Variants in LZTS1 observed in about 807,000 individuals in gnomAD.
LZTS1 encodes the protein leucine zipper tumor suppressor 1.
A neutral mutation model predicts 45.8 loss-of-function variants in LZTS1; 31 were observed. That is an observed-to-expected ratio of 0.68 (90% CI 0.51 to 0.91). The LOEUF (loss-of-function observed/expected upper bound fraction) is 0.91, where lower values mean the gene tolerates loss of function less well. Ranked by LOEUF, LZTS1 falls within the 40% of genes least tolerant of loss-of-function variation. LZTS1 has a pLI of 0.00. For synonymous variants in LZTS1, 359 were observed against 357.3 expected (o/e 1.00, Z -0.05); for missense variants, 821 against 788.9 (o/e 1.04, Z -0.49).
chr8:20,297,538 C>T (rs1800996975), intron 1 of LZTS1, among the ~76,000 whole-genome samples: 1 of 152,148 alleles, frequency 6.6e-6, no homozygotes, highest in Non-Finnish European at 1.5e-5. Flanking sequence ...CCTCAGCCTC[C>T]TGAGTAGCTG....
intron 1 of LZTS1, among the ~76,000 whole-genome samples, chr8:20,257,301 A>G (rs907827848): frequency 6.6e-6 from 1 of 152,164 alleles, no homozygotes; most frequent in African/African-American, 2.4e-5. Flanking sequence ...CGGAGGTTGC[A>G]GTGAGCTGAG....
rs574968185 is a variant in LZTS1, at chr8:20,248,795, C to A, written c.*927G>T. The A allele has an allele frequency of 1.3e-5, 2 of 152,346 alleles. No individual in the cohort carries two copies. Among genetic ancestry groups the A allele is most frequent in the African/African-American group, 4.8e-5 (2 of 41,384 alleles). 9.4% of individuals were successfully genotyped at this position (152,346 alleles called of 1,614,324 possible). A position where few individuals can be genotyped will look rare whatever the true frequency, so the allele number is the denominator to read the frequency against. The stretch of plus-strand genomic sequence containing the variant: ...GGGAAAAACATTCCAGAGTAGCCGC[C>A]GGCCAACGTGAAGCAGGTAGGGACT... On this transcript the variant is annotated 3_prime_UTR_variant, in exon 4 of 4. Transcript: ENST00000381569.
intron 1 of LZTS1, among the ~76,000 whole-genome samples, chr8:20,293,544 G>A (rs1465427621): frequency 1.3e-5 from 2 of 152,194 alleles, no homozygotes; most frequent in South Asian, 2.1e-4. Flanking sequence ...CAAGTGACTC[G>A]TTGTGGCAGG....
chr8:20,303,934 C>G lies in LZTS1; in HGVS notation c.-329G>C, dbSNP rs1801129066. On this transcript the variant is annotated 5_prime_UTR_variant, in exon 1 of 4. Transcript: ENST00000381569. Reference sequence around the variant, plus strand: ...GGCCTCCCCGCCCGGCCGCTGCCAACCCGCCAGCTCCAGGCGCGCCGGCCT... The same window carrying G: ...GGCCTCCCCGCCCGGCCGCTGCCAAGCCGCCAGCTCCAGGCGCGCCGGCCT... 5.1e-6 allele frequency: 5 copies of G among 981,894 alleles called. No individual in the cohort carries two copies. The South Asian group carries it at 1.4e-4, about 28-fold the overall frequency. The allele number at this position is 981,894 out of a possible 1,614,324, so 60.8% of individuals were successfully genotyped here.
At chr8:20,273,537 G>C (rs933152519) in intron 1 of LZTS1, among the ~76,000 whole-genome samples, 5 of 152,008 alleles carry the variant, frequency 3.3e-5, no homozygotes, top group African/African-American at 1.2e-4. Flanking sequence ...CCTCCTTCTG[G>C]AATCCCGGTG....
chr8:20,256,567 T>G (rs956093371), intron 1 of LZTS1, among the ~76,000 whole-genome samples: 1 of 152,054 alleles, frequency 6.6e-6, no homozygotes, highest in African/African-American at 2.4e-5. Flanking sequence ...GGAGGATCAC[T>G]TGAGGCCAGG....
rs199706626 is a variant in LZTS1 at position 20,252,804 on chromosome 8, G to A, written c.1127C>T (p.Ala376Val). 2.7e-5 allele frequency: 42 copies of A among 1,528,498 alleles called. 1 individual carries two copies. The highest frequency in any genetic ancestry group is 2.0e-4 in the Middle Eastern group (1 of 4,958). The allele number at this position is 1,528,498 out of a possible 1,614,324, so 94.7% of individuals were successfully genotyped here. The part of the protein sequence containing the change: ...YEREKTSFGP[A>V]LEETQWEVCQ... ...CACCTCCCACTGGGTCTCCTCCAGC[G>A]CGGGGCCGAAGCTGGTCTTCTCCCT... is the stretch of plus-strand genomic sequence containing the variant. Residue 376 changes from alanine to valine, a missense_variant, in exon 3 of 4, where the codon GCG (alanine) becomes GTG (valine). By Grantham distance (64) the Ala-to-Val change is moderately conservative. Transcript: ENST00000381569.
chr8:20,262,471 T>C (rs1317279004), intron 1 of LZTS1, among the ~76,000 whole-genome samples: 1 of 152,122 alleles, frequency 6.6e-6, no homozygotes, highest in Non-Finnish European at 1.5e-5. Context: ...TGAACGTGTG[T>C]GTGTATACGT....
chr8:20,274,969 G>GTGTA (rs1554553685), intron 1 of LZTS1, among the ~76,000 whole-genome samples: 4 of 151,332 alleles, frequency 2.6e-5, no homozygotes, highest in Non-Finnish European at 4.4e-5. Flanking sequence ...TACTGTGTGT[G>GTGTA]TGTGTGTGTG....
At chr8:20,250,396 G>C in intron 3 of LZTS1, 33 bp from the exon 4 acceptor site, 3 of 1,549,018 alleles carry the variant, frequency 1.9e-6, no homozygotes, top group Non-Finnish European at 2.6e-6. Context: ...AGAGTGCCAA[G>C]AGGTGAGTGT....
At position 20,272,731 on chromosome 8, in the gene LZTS1, A is replaced by G. The variant is rs188320609; in HGVS notation, c.-134-17416T>C. ...CCCTGAACTCATAAACCTGCAATTGACATGACTGCTGCCTCCTCTGTGCCT... is the reference window on the plus strand; with the variant it reads ...CCCTGAACTCATAAACCTGCAATTGGCATGACTGCTGCCTCCTCTGTGCCT... On this transcript the variant is annotated intron_variant, in intron 1 of 3. Coordinates refer to ENST00000381569, the MANE Select transcript of LZTS1 (RefSeq NM_021020.5). Among the ~76,000 whole-genome samples, 62 of 152,316 alleles carry G rather than the reference A, an allele frequency of 4.1e-4. 1 individual carries two copies. The South Asian group carries it at 6.6e-3, about 16-fold the overall frequency.
chr8:20,275,349 CCG>C (rs1166021904), intron 1 of LZTS1, among the ~76,000 whole-genome samples: 1 of 89,414 alleles, frequency 1.1e-5, no homozygotes, highest in Non-Finnish European at 2.6e-5. Flanking sequence ...TTGCAGTAAG[CCG>C]AGATGATCGC....
chr8:20,266,013 G>A (rs187815258), intron 1 of LZTS1, among the ~76,000 whole-genome samples: 353 of 151,950 alleles, frequency 2.3e-3, no homozygotes, highest in African/African-American at 7.9e-3. Context: ...GAACATAATA[G>A]ATGCTCAACA....
At chr8:20,300,086 C>T (rs1011261830) in intron 1 of LZTS1, among the ~76,000 whole-genome samples, 6 of 152,090 alleles carry the variant, frequency 3.9e-5, no homozygotes, top group Admixed American at 3.3e-4. Flanking sequence ...AGTGTTCCCT[C>T]GGACTCCCGA....
In LZTS1 at chr8:20,253,171, A is replaced by G. The variant is rs1479636493; in HGVS notation, c.760T>C (p.Ser254Pro). ...KADKGPSCVR[S>P]PISTDECSIQ... ...CTGCACTCGTCCGTGGAGATGGGGG[A>G]GCGGACACACGAGGGGCCCTTGTCT... Residue 254 changes from serine (S) to proline (P), a missense_variant, in exon 3 of 4, where the codon TCC becomes CCC. Coordinates refer to ENST00000381569, the MANE Select transcript of LZTS1 (RefSeq NM_021020.5). 1 of 1,613,236 alleles carries G rather than the reference A, an allele frequency of 6.2e-7. No homozygotes were observed. Among genetic ancestry groups the G allele is most frequent in the Admixed American group, 1.7e-5 (1 of 60,026 alleles).
At chr8:20,286,469 C>T (rs1432863456) in intron 1 of LZTS1, among the ~76,000 whole-genome samples, 1 of 152,232 alleles carries the variant, frequency 6.6e-6, no homozygotes, top group Non-Finnish European at 1.5e-5. Context: ...CGCTAGGCCA[C>T]TATTCAATGG....
intron 1 of LZTS1, among the ~76,000 whole-genome samples, chr8:20,297,057 C>G (rs958549243): frequency 8.5e-5 from 13 of 152,312 alleles, no homozygotes; most frequent in Admixed American, 7.8e-4. Context: ...ATCCAATTCT[C>G]TTCTCCCCTG....
intron 1 of LZTS1, among the ~76,000 whole-genome samples, 164 bp from the exon 2 acceptor site, chr8:20,255,479 A>C (rs941517209): frequency 2.0e-5 from 3 of 152,210 alleles, no homozygotes; most frequent in African/African-American, 7.2e-5. Flanking sequence ...ATAATTCAAC[A>C]AACATTCACT....
chr8:20,253,025 G>A lies in LZTS1; in HGVS notation c.906C>T (p.Cys302=). The change falls in exon 3 of 4, where the codon TGC becomes TGT. Residue 302 remains cysteine, a synonymous_variant. Transcript: ENST00000381569. Reference sequence around the variant, plus strand: ...GCTCCGGGCCCTCCAGCTCGTCCCTGCAGCGCCGCGGCCGCTCCTCGTAGG... The same window carrying A: ...GCTCCGGGCCCTCCAGCTCGTCCCTACAGCGCCGCGGCCGCTCCTCGTAGG... ...SLAYEERPRR[C]RDELEGPEPK... 2 of 1,601,344 alleles carry A rather than the reference G, an allele frequency of 1.2e-6. No individual in the cohort carries two copies. Among genetic ancestry groups the A allele is most frequent in the Non-Finnish European group, 8.5e-7 (1 of 1,175,994 alleles).
Sources: gnomAD v4.1 joint callset for allele counts (sites outside exome capture counted in the v4.1 genomes callset) on GRCh38, gnomAD v4.1.1 for gene constraint, MANE v1.5 for transcripts, NCBI Gene and HGNC (gene_info 2026-07-23, HGNC 2026-07-21) for gene names.